Variants in DCLK1 observed in about 807,000 individuals in gnomAD.
DCLK1 encodes the protein serine/threonine-protein kinase DCLK1.
Under a neutral mutation model 86.2 loss-of-function variants are expected in DCLK1, and 16 were observed. That is an observed-to-expected ratio of 0.19 (90% confidence interval 0.13 to 0.28). The LOEUF is 0.28. Among genes scored for constraint, DCLK1 ranks in the 10% least tolerant of loss-of-function variants. The pLI is 1.00. For missense variants in DCLK1, 590 were observed against 940.2 expected (o/e 0.63, Z 4.87); for synonymous variants, 369 against 370.5 (o/e 1.00, Z 0.05).
At chr13:36,118,315 A>G (rs1885862993) in intron 2 of DCLK1, among the ~76,000 whole-genome samples, 1 of 152,142 alleles carries the variant, frequency 6.6e-6, no homozygotes, top group Non-Finnish European at 1.5e-5. Flanking sequence ...TTACGTATCC[A>G]CACTAGGGAC....
chr13:35,932,505 T>C (rs999034726), intron 4 of DCLK1, among the ~76,000 whole-genome samples: 1 of 152,196 alleles, frequency 6.6e-6, no homozygotes, highest in African/African-American at 2.4e-5. Flanking sequence ...AGAGGTTTAA[T>C]TGGACTTTAC....
chr13:35,960,975 GC>G (rs1455308906), intron 3 of DCLK1, among the ~76,000 whole-genome samples: 1 of 152,168 alleles, frequency 6.6e-6, no homozygotes, highest in East Asian at 1.9e-4. Flanking sequence ...ACAGGAAGAT[GC>G]TTTTGTTGTT....
At chr13:35,926,597 G>T (rs1321995434) in intron 4 of DCLK1, among the ~76,000 whole-genome samples, 1 of 152,148 alleles carries the variant, frequency 6.6e-6, no homozygotes, top group African/African-American at 2.4e-5. Context: ...TTGTTAAATA[G>T]TTCACACTAA....
At chr13:35,825,280 T>C (rs925065591) in intron 10 of DCLK1, among the ~76,000 whole-genome samples, 11 of 152,076 alleles carry the variant, frequency 7.2e-5, no homozygotes, top group Admixed American at 5.2e-4. Context: ...GGCCTTCACT[T>C]CCCTGGGAAG....
At chr13:35,907,596 C>T (rs1336302480) in intron 4 of DCLK1, among the ~76,000 whole-genome samples, 1 of 152,066 alleles carries the variant, frequency 6.6e-6, no homozygotes, top group Non-Finnish European at 1.5e-5. Flanking sequence ...AGATTTGTTT[C>T]TATGTTTTCT....
At chr13:35,818,604 CT>C in intron 11 of DCLK1, among the ~76,000 whole-genome samples, 1 of 152,150 alleles carries the variant, frequency 6.6e-6, no homozygotes, top group South Asian at 2.1e-4. Context: ...CTAATAAAAA[CT>C]AGTGATGTGA....
At chr13:35,826,540 A>AGGAAGGGAGGAAGGAAGGAAGGAAGG (rs1382422000) in intron 10 of DCLK1, among the ~76,000 whole-genome samples, 1 of 92,754 alleles carries the variant, frequency 1.1e-5, no homozygotes, top group Non-Finnish European at 2.6e-5. Flanking sequence ...AAAAAAAAAA[A>AGGAAGGGAGGAAGGAAGGAAGGAAGG]AAGAAAGAAA....
intron 3 of DCLK1, among the ~76,000 whole-genome samples, chr13:36,033,046 A>G (rs1162812904): frequency 3.9e-5 from 6 of 152,230 alleles, no homozygotes; most frequent in Non-Finnish European, 8.8e-5. Context: ...GATATACAAA[A>G]CACACTGTGC....
At chr13:35,810,437 G>C (rs1477699657) in intron 12 of DCLK1, among the ~76,000 whole-genome samples, 1 of 152,204 alleles carries the variant, frequency 6.6e-6, no homozygotes, top group Non-Finnish European at 1.5e-5. Flanking sequence ...ACCTGGACTG[G>C]AGGATAAGGG....
At chr13:35,960,838 T>A (rs542007828) in intron 3 of DCLK1, among the ~76,000 whole-genome samples, 3 of 152,230 alleles carry the variant, frequency 2.0e-5, no homozygotes, top group East Asian at 1.9e-4. Context: ...AGGAATGAGT[T>A]GACATGATTC....
chr13:35,934,490 G>A (rs1876643261), intron 4 of DCLK1, among the ~76,000 whole-genome samples: 1 of 152,322 alleles, frequency 6.6e-6, no homozygotes, highest in Non-Finnish European at 1.5e-5. Flanking sequence ...TGTCTTACAT[G>A]GAAGGCAGCA....
chr13:35,889,127 C>A (rs1873479498), intron 4 of DCLK1, among the ~76,000 whole-genome samples: 1 of 152,120 alleles, frequency 6.6e-6, no homozygotes, highest in Non-Finnish European at 1.5e-5. Flanking sequence ...TTACAGAAAC[C>A]TAAAACATCG....
chr13:35,970,736 A>C (rs1456754414), intron 3 of DCLK1, among the ~76,000 whole-genome samples: 1 of 152,226 alleles, frequency 6.6e-6, no homozygotes, highest in African/African-American at 2.4e-5. Flanking sequence ...TATGATACAC[A>C]AATTTCTATT....
chr13:35,998,655 T>C (rs1432790217), intron 3 of DCLK1, among the ~76,000 whole-genome samples: 1 of 152,116 alleles, frequency 6.6e-6, no homozygotes, highest in Non-Finnish European at 1.5e-5. Context: ...AAACTCACTA[T>C]CATGCGCACT....
intron 11 of DCLK1, among the ~76,000 whole-genome samples, chr13:35,815,132 G>C (rs1357593579): frequency 6.6e-6 from 1 of 151,976 alleles, no homozygotes; most frequent in African/African-American, 2.4e-5. Flanking sequence ...TTGAAAGGAG[G>C]GTTTTATTTT....
In DCLK1 at chr13:35,884,519, A is replaced by C. The variant is rs144330670; in HGVS notation, c.824-13179T>G. Among the ~76,000 whole-genome samples, 293 of 152,352 alleles carry C rather than the reference A, an allele frequency of 1.9e-3. 2 individuals are homozygous for C. Among genetic ancestry groups the C allele is most frequent in the African/African-American group, 6.6e-3 (275 of 41,586 alleles). On this transcript the variant is annotated intron_variant, in intron 4 of 16. Coordinates refer to ENST00000360631, the MANE Select transcript of DCLK1 (RefSeq NM_001330071.2). Reference sequence around the variant, plus strand: ...GAAAATGAATAAGAATTCCTCCAAGAGAAAAGAAAAGGGAACAAAAGGAAC... The same window carrying C: ...GAAAATGAATAAGAATTCCTCCAAGCGAAAAGAAAAGGGAACAAAAGGAAC...
intron 4 of DCLK1, among the ~76,000 whole-genome samples, chr13:35,915,592 C>T (rs1051519222): frequency 2.0e-5 from 3 of 152,124 alleles, no homozygotes; most frequent in Admixed American, 6.6e-5. Context: ...GTAGTCCCAG[C>T]TACTAAGGAG....
chr13:35,930,739 G>T (rs1876390358), intron 4 of DCLK1, among the ~76,000 whole-genome samples: 1 of 152,208 alleles, frequency 6.6e-6, no homozygotes, highest in Non-Finnish European at 1.5e-5. Flanking sequence ...AACTCAGTGT[G>T]AAAGGTAAAA....
At chr13:35,926,757 T>G (rs1876148299) in intron 4 of DCLK1, among the ~76,000 whole-genome samples, 1 of 152,222 alleles carries the variant, frequency 6.6e-6, no homozygotes, top group African/African-American at 2.4e-5. Context: ...CATGACAATC[T>G]TTTGTGATTG....
Sources: gnomAD v4.1 joint callset for allele counts (sites outside exome capture counted in the v4.1 genomes callset) on GRCh38, gnomAD v4.1.1 for gene constraint, MANE v1.5 for transcripts, NCBI Gene and HGNC (gene_info 2026-07-23, HGNC 2026-07-21) for gene names.